SH3GL2: variants seen among roughly 807,000 people sequenced by gnomAD.
The protein encoded by SH3GL2 is SH3 domain containing GRB2 like 2, endophilin A1, also known as endophilin-A1.
In SH3GL2, 24 loss-of-function variants were observed where a neutral mutation model predicts 46.0. The observed-to-expected ratio is 0.52, with a 90% CI of 0.38 to 0.73. The LOEUF (loss-of-function observed/expected upper bound fraction) is 0.73. Among genes scored for constraint, SH3GL2 ranks in the 30% least tolerant of loss-of-function variants. The pLI, the probability that SH3GL2 is intolerant of heterozygous loss-of-function variation, is 0.00. For synonymous variants in SH3GL2, 196 were observed against 147.1 expected (o/e 1.33, Z -2.40); for missense variants, 413 against 424.2 (o/e 0.97, Z 0.23).
chr9:17,585,044 A>AGAT (rs1261282137), intron 1 of SH3GL2, among the ~76,000 whole-genome samples: 2 of 152,206 alleles, frequency 1.3e-5, no homozygotes, highest in African/African-American at 4.8e-5. Context: ...GTTTTGAGAC[A>AGAT]GATGTCATTG....
chr9:17,669,669 A>G (rs1055463141), intron 1 of SH3GL2, among the ~76,000 whole-genome samples: 9 of 152,254 alleles, frequency 5.9e-5, no homozygotes, highest in African/African-American at 2.2e-4. Flanking sequence ...TTTGAAGGAC[A>G]CCGGGGTTGG....
At chr9:17,667,623 TTG>T (rs1170917181) in intron 1 of SH3GL2, among the ~76,000 whole-genome samples, 4 of 152,236 alleles carry the variant, frequency 2.6e-5, no homozygotes, top group Admixed American at 1.3e-4. Context: ...TCATGAACCC[TTG>T]TGTGCACGTT....
At position 17,656,301 on chromosome 9, in the gene SH3GL2, A is replaced by G. The variant is rs60520736; in HGVS notation, c.45+77014A>G. ...AGGATGTTTTAATATTCTTTAATAT[A>G]TAATATTCTTCAGAAGATTAACCAA... is the stretch of plus-strand genomic sequence containing the variant. On this transcript the variant is annotated intron_variant, in intron 1 of 8. Transcript: ENST00000380607. 1.8e-3 allele frequency among the ~76,000 whole-genome samples: 272 copies of G among 152,270 alleles called. 1 individual carries two copies. Among genetic ancestry groups the G allele is most frequent in the African/African-American group, 6.1e-3 (253 of 41,566 alleles).
chr9:17,627,200 C>G (rs1460302787), intron 1 of SH3GL2, among the ~76,000 whole-genome samples: 1 of 152,152 alleles, frequency 6.6e-6, no homozygotes, highest in Non-Finnish European at 1.5e-5. Context: ...TTTATTAGCA[C>G]TCACCAATGA....
chr9:17,714,070 A>T (rs1273762765), intron 1 of SH3GL2, among the ~76,000 whole-genome samples: 1 of 151,712 alleles, frequency 6.6e-6, no homozygotes, highest in Non-Finnish European at 1.5e-5. Flanking sequence ...TGGGACATAA[A>T]TACTAAGGAT....
At chr9:17,597,130 T>C (rs1385819602) in intron 1 of SH3GL2, among the ~76,000 whole-genome samples, 1 of 152,246 alleles carries the variant, frequency 6.6e-6, no homozygotes, top group Non-Finnish European at 1.5e-5. Context: ...TTTGTTTTCT[T>C]GTGTAGTAAT....
At chr9:17,628,499 T>C (rs1819342022) in intron 1 of SH3GL2, among the ~76,000 whole-genome samples, 1 of 151,972 alleles carries the variant, frequency 6.6e-6, no homozygotes, top group African/African-American at 2.4e-5. Flanking sequence ...CATAACTGGG[T>C]CTACCAGATG....
At chr9:17,692,540 G>A (rs368117401) in intron 1 of SH3GL2, among the ~76,000 whole-genome samples, 1 of 151,964 alleles carries the variant, frequency 6.6e-6, no homozygotes, top group African/African-American at 2.4e-5. Flanking sequence ...CAGCTACTGG[G>A]AGGCTGAGGC....
chr9:17,687,649 A>G (rs1820956076), intron 1 of SH3GL2, among the ~76,000 whole-genome samples: 2 of 152,106 alleles, frequency 1.3e-5, no homozygotes, highest in Admixed American at 1.3e-4. Flanking sequence ...TGAACTGAAA[A>G]TCATGTTCCC....
chr9:17,671,950 C>G (rs529103522), intron 1 of SH3GL2, among the ~76,000 whole-genome samples: 1 of 152,082 alleles, frequency 6.6e-6, no homozygotes, highest in Non-Finnish European at 1.5e-5. Flanking sequence ...GTACTCATAC[C>G]TTGACAAATG....
At chr9:17,701,265 GA>G (rs1218743483) in intron 1 of SH3GL2, among the ~76,000 whole-genome samples, 1 of 152,094 alleles carries the variant, frequency 6.6e-6, no homozygotes, top group Non-Finnish European at 1.5e-5. Flanking sequence ...AAAATACTTA[GA>G]AATGATGGAT....
intron 1 of SH3GL2, among the ~76,000 whole-genome samples, chr9:17,658,657 G>C (rs567261963): frequency 1.3e-5 from 2 of 152,342 alleles, no homozygotes; most frequent in East Asian, 3.9e-4. Flanking sequence ...AGCTGCATTT[G>C]CATAGCAGGC....
At chr9:17,785,146 G>A (rs1823916513) in intron 3 of SH3GL2, among the ~76,000 whole-genome samples, 2 of 152,126 alleles carry the variant, frequency 1.3e-5, no homozygotes, top group Admixed American at 6.6e-5. Context: ...CATACTGTTT[G>A]GATCTAAACT....
At chr9:17,649,027 A>T (rs914631683) in intron 1 of SH3GL2, among the ~76,000 whole-genome samples, 1 of 152,188 alleles carries the variant, frequency 6.6e-6, no homozygotes, top group South Asian at 2.1e-4. Flanking sequence ...GTGTATAAAA[A>T]TAAGTCTGTC....
chr9:17,740,292 T>C (rs1444180141), intron 1 of SH3GL2, among the ~76,000 whole-genome samples: 1 of 152,134 alleles, frequency 6.6e-6, no homozygotes. Flanking sequence ...TAATGACAGC[T>C]GAGAAAGACT....
intron 3 of SH3GL2, among the ~76,000 whole-genome samples, chr9:17,761,712 C>G (rs2131152045): frequency 6.6e-6 from 1 of 152,260 alleles, no homozygotes; most frequent in Middle Eastern, 3.4e-3. Context: ...ACTGGAAGAT[C>G]TGTGGTATTT....
chr9:17,696,170 C>A (rs950429784), intron 1 of SH3GL2, among the ~76,000 whole-genome samples: 1 of 151,666 alleles, frequency 6.6e-6, no homozygotes, highest in Non-Finnish European at 1.5e-5. Context: ...GGGAGGTCCA[C>A]ACTAAAGAGG....
chr9:17,753,435 G>C (rs764876402), intron 2 of SH3GL2, among the ~76,000 whole-genome samples: 20 of 152,134 alleles, frequency 1.3e-4, no homozygotes, highest in Admixed American at 5.2e-4. Context: ...CAGTGATGTT[G>C]AGTGTTTTCT....
chr9:17,789,708 G>C, intron 6 of SH3GL2, 158 bp downstream of exon 6: 1 of 1,369,820 alleles, frequency 7.3e-7, no homozygotes. Flanking sequence ...CAGTCATAAA[G>C]TAGACTGAGA....
Sources: allele counts gnomAD v4.1 joint callset (sites outside exome capture counted in the v4.1 genomes callset), GRCh38; gene constraint gnomAD v4.1.1; transcripts MANE v1.5; gene names NCBI Gene and HGNC (gene_info 2026-07-23, HGNC 2026-07-21).